CREB1: variants seen among roughly 807,000 people sequenced by gnomAD.
CREB1 encodes cyclic AMP-responsive element-binding protein 1.
CREB1 carries 2 observed loss-of-function variants against 42.0 expected under a neutral mutation model. The observed-to-expected ratio is 0.05, with a 90% CI of 0.02 to 0.15. CREB1 has a LOEUF of 0.15. Ranked by LOEUF, CREB1 falls within the 10% of genes least tolerant of loss-of-function variation. CREB1 has a pLI of 1.00. For synonymous variants in CREB1, 123 were observed against 139.9 expected, an observed-to-expected ratio of 0.88 and a Z score of 0.85; for missense variants, 199 against 388.9, an observed-to-expected ratio of 0.51 and a Z score of 4.11.
rs1391023581 is a variant in CREB1 at position 207,599,608 on chromosome 2, C to T, written c.*2550C>T. ...CTTAATGATGAGGTGAGAAATGTAT[C>T]CTGTTGCTAAATCTGTCTTAGACCC... On this transcript the variant is annotated 3_prime_UTR_variant, in exon 8 of 8. Transcript: ENST00000353267. 1 of 199,134 alleles carries T rather than the reference C, an allele frequency of 5.0e-6. No individual in the cohort carries two copies. Among genetic ancestry groups the T allele is most frequent in the Non-Finnish European group, 1.0e-5 (1 of 96,472 alleles). 12.3% of individuals were successfully genotyped at this position (199,134 alleles called of 1,614,324 possible).
At chr2:207,546,844 G>C (rs2081320322) in intron 1 of CREB1, among the ~76,000 whole-genome samples, 1 of 152,126 alleles carries the variant, frequency 6.6e-6, no homozygotes, top group South Asian at 2.1e-4. Context: ...TTTAAATGTA[G>C]TCCAGTATAT....
chr2:207,555,905 G>T (rs1463362387), intron 2 of CREB1, among the ~76,000 whole-genome samples, 156 bp downstream of exon 2: 2 of 152,090 alleles, frequency 1.3e-5, no homozygotes, highest in East Asian at 1.9e-4. Context: ...AGTATATTTA[G>T]AAATGATAGT....
chr2:207,533,942 C>T (rs2080759388), intron 1 of CREB1, among the ~76,000 whole-genome samples: 1 of 152,202 alleles, frequency 6.6e-6, no homozygotes, highest in African/African-American at 2.4e-5. Context: ...TTCTCAGCCT[C>T]AGTTTCCTTA....
chr2:207,562,208 C>T (rs1333305228), intron 3 of CREB1, among the ~76,000 whole-genome samples: 1 of 152,134 alleles, frequency 6.6e-6, no homozygotes, highest in Non-Finnish European at 1.5e-5. Flanking sequence ...ACTTGATTTG[C>T]TAGTGAGGAG....
intron 1 of CREB1, among the ~76,000 whole-genome samples, chr2:207,553,072 T>C: frequency 7.2e-6 from 1 of 139,514 alleles, no homozygotes; most frequent in Admixed American, 7.2e-5. Flanking sequence ...CTTTTTTTTT[T>C]TTTTTTTTTT....
At chr2:207,559,434 A>G (rs1003878045) in intron 2 of CREB1, among the ~76,000 whole-genome samples, 2 of 152,156 alleles carry the variant, frequency 1.3e-5, no homozygotes, top group Non-Finnish European at 2.9e-5. Flanking sequence ...CTTCGCATAC[A>G]TACCCCCAAT....
chr2:207,569,845 A>G (rs1283591956), intron 4 of CREB1, among the ~76,000 whole-genome samples: 1 of 151,952 alleles, frequency 6.6e-6, no homozygotes, highest in African/African-American at 2.4e-5. Context: ...GGAGTTCGAG[A>G]CCATCCTGGC....
chr2:207,564,780 AAGTGGT>A (rs1286588163), intron 3 of CREB1, among the ~76,000 whole-genome samples: 1 of 152,128 alleles, frequency 6.6e-6, no homozygotes, highest in Non-Finnish European at 1.5e-5. Context: ...TTATATCTAC[AAGTGGT>A]AGTTTAGCTT....
At chr2:207,586,537 C>A (rs1481752570) in intron 7 of CREB1, among the ~76,000 whole-genome samples, 1 of 152,008 alleles carries the variant, frequency 6.6e-6, no homozygotes, top group Non-Finnish European at 1.5e-5. Context: ...TCCAAAAGCA[C>A]AAGCAACAAA....
intron 6 of CREB1, among the ~76,000 whole-genome samples, chr2:207,575,989 T>TTAG (rs1333011974): frequency 7.4e-6 from 1 of 136,050 alleles, no homozygotes; most frequent in African/African-American, 2.7e-5. Context: ...GTTTTTATTA[T>TTAG]TATTATTATT....
intron 7 of CREB1, among the ~76,000 whole-genome samples, chr2:207,585,821 A>T (rs1346896257): frequency 6.6e-6 from 1 of 152,190 alleles, no homozygotes; most frequent in Non-Finnish European, 1.5e-5. Flanking sequence ...AGGTCTTTTA[A>T]AATAACCCAG....
intron 6 of CREB1, chr2:207,576,743 T>C (rs929280932): frequency 1.5e-5 from 17 of 1,118,498 alleles, no homozygotes; most frequent in South Asian, 1.1e-4. Context: ...TACATTTTAA[T>C]TGATATTAAT....
chr2:207,531,591 G>C (rs542603386), intron 1 of CREB1, among the ~76,000 whole-genome samples: 35 of 152,332 alleles, frequency 2.3e-4, no homozygotes, highest in African/African-American at 8.4e-4. Flanking sequence ...TGAAGGTTTA[G>C]TAGAAGATAC....
chr2:207,556,200 TAGC>T (rs1476291784), intron 2 of CREB1, among the ~76,000 whole-genome samples: 1 of 152,226 alleles, frequency 6.6e-6, no homozygotes, highest in East Asian at 1.9e-4. Context: ...TTAAGGATGA[TAGC>T]AGTTTTTGTT....
chr2:207,581,817 C>T (rs569048636), intron 7 of CREB1: 6 of 700,388 alleles, frequency 8.6e-6, no homozygotes, highest in Non-Finnish European at 1.0e-5. Flanking sequence ...GGTACCATAT[C>T]GCATTTAATT....
chr2:207,578,645 G>A (rs1340369900), intron 7 of CREB1, among the ~76,000 whole-genome samples: 1 of 152,188 alleles, frequency 6.6e-6, no homozygotes, highest in Non-Finnish European at 1.5e-5. Flanking sequence ...GTTTGTGTGT[G>A]TGTGTGCAAT....
rs1162128669 is a variant in CREB1 at position 207,598,096 on chromosome 2, T to C, written c.*1038T>C. 1.7e-5 allele frequency: 3 copies of C among 180,752 alleles called. No homozygotes were observed. The highest frequency in any genetic ancestry group is 7.1e-5 in the African/African-American group (3 of 42,442). The allele number at this position is 180,752 out of a possible 1,614,324, so 11.2% of individuals were successfully genotyped here. On this transcript the variant is annotated 3_prime_UTR_variant, in exon 8 of 8. Transcript: ENST00000353267. ...ATATATTTGTTTATGAAATGTTACA[T>C]GTAGAAAAATACTGATTTTAAATAT...
In CREB1 at chr2:207,599,332, C is replaced by T. The variant is rs2106636835; in HGVS notation, c.*2274C>T. 4.8e-6 allele frequency: 1 copy of T among 206,570 alleles called. No individual in the cohort carries two copies. The highest frequency in any genetic ancestry group is 5.9e-5 in the Admixed American group (1 of 16,858). The allele number at this position is 206,570 out of a possible 1,614,324, so 12.8% of individuals were successfully genotyped here. On this transcript the variant is annotated 3_prime_UTR_variant, in exon 8 of 8. Transcript: ENST00000353267. ...CACAAGTTGGAATTATTTATTGAGT[C>T]AAAATGTCGAATCGAACATTTTGAA...
At chr2:207,559,272 A>G (rs1308425962) in intron 2 of CREB1, 1 of 977,526 alleles carries the variant, frequency 1.0e-6, no homozygotes, top group Non-Finnish European at 1.2e-6. Flanking sequence ...AATAATAACA[A>G]GTCTAACTTT....
Sources: allele counts gnomAD v4.1 joint callset (sites outside exome capture counted in the v4.1 genomes callset), GRCh38; gene constraint gnomAD v4.1.1; transcripts MANE v1.5; gene names NCBI Gene and HGNC (gene_info 2026-07-23, HGNC 2026-07-21).